Variants in PSD3 observed in about 807,000 individuals in gnomAD.
PSD3 encodes the protein PH and SEC7 domain-containing protein 3.
In PSD3, 49 loss-of-function variants were observed where a neutral mutation model predicts 105.5. That is an observed-to-expected ratio of 0.46 (90% confidence interval 0.37 to 0.59). The LOEUF (loss-of-function observed/expected upper bound fraction) is 0.59. Among genes scored for constraint, PSD3 ranks in the 20% least tolerant of loss-of-function variants. The pLI, the probability that PSD3 is intolerant of heterozygous loss-of-function variation, is 0.00. For synonymous variants in PSD3, 557 were observed against 457.8 expected (o/e 1.22, Z -2.77); for missense variants, 1,561 against 1,263.8 (o/e 1.24, Z -3.57).
chr8:18,676,053 C>T (rs1175578312), intron 9 of PSD3, among the ~76,000 whole-genome samples: 4 of 152,238 alleles, frequency 2.6e-5, no homozygotes, highest in East Asian at 1.9e-4. Context: ...CCCTGATCTT[C>T]GGCAGTGACT....
At chr8:18,949,078 C>A (rs187525060) in intron 1 of PSD3, among the ~76,000 whole-genome samples, 3 of 148,776 alleles carry the variant, frequency 2.0e-5, no homozygotes, top group Non-Finnish European at 4.5e-5. Flanking sequence ...AAAAATTAGC[C>A]GGGCGTGGTG....
intron 4 of PSD3, among the ~76,000 whole-genome samples, chr8:18,839,261 A>T (rs535276938): frequency 6.6e-6 from 1 of 152,296 alleles, no homozygotes; most frequent in South Asian, 2.1e-4. Context: ...TGGACAGAAG[A>T]GACATTTCAA....
intron 4 of PSD3, among the ~76,000 whole-genome samples, chr8:18,828,587 G>C (rs1240537429): frequency 1.3e-5 from 2 of 152,038 alleles, no homozygotes; most frequent in Non-Finnish European, 2.9e-5. Flanking sequence ...GACTGCTCGA[G>C]CCCGGGAGTT....
At chr8:18,823,673 T>G (rs764796060) in intron 4 of PSD3, among the ~76,000 whole-genome samples, 1 of 152,154 alleles carries the variant, frequency 6.6e-6, no homozygotes, top group Non-Finnish European at 1.5e-5. Context: ...CTTGCAGATG[T>G]AACTCTCATT....
intron 9 of PSD3, among the ~76,000 whole-genome samples, chr8:18,742,015 AG>A (rs1448674016): frequency 6.6e-6 from 1 of 152,206 alleles, no homozygotes; most frequent in Non-Finnish European, 1.5e-5. Context: ...AAACATTACC[AG>A]GAGTAATATG....
chr8:18,642,889 T>G (rs575582118), intron 10 of PSD3, among the ~76,000 whole-genome samples: 2 of 152,194 alleles, frequency 1.3e-5, no homozygotes, highest in Non-Finnish European at 2.9e-5. Context: ...GGGTGGCAAA[T>G]CTTTCCAGTT....
chr8:19,012,769 A>G (rs1827014289), intron 1 of PSD3, among the ~76,000 whole-genome samples: 1 of 152,064 alleles, frequency 6.6e-6, no homozygotes, highest in Non-Finnish European at 1.5e-5. Flanking sequence ...AATTTTCCAG[A>G]TCTCCGTCTT....
In PSD3 at chr8:18,730,559, T is replaced by C. The variant is rs549963432; in HGVS notation, c.2172+34890A>G. On this transcript the variant is annotated intron_variant, in intron 9 of 15. Coordinates refer to ENST00000327040, the MANE Select transcript of PSD3 (RefSeq NM_015310.4). The stretch of plus-strand genomic sequence containing the variant: ...ATAAAGAAAAGATACACTATATCCA[T>C]TGTTACATTCACTGGCCTTTCATCC... Among the ~76,000 whole-genome samples, 8 of 152,344 alleles carry C rather than the reference T, an allele frequency of 5.3e-5. 1 individual carries two copies. Among genetic ancestry groups the C allele is most frequent in the Admixed American group, 1.3e-4 (2 of 15,308 alleles).
chr8:18,878,143 A>AT (rs376613704), intron 2 of PSD3, among the ~76,000 whole-genome samples: 49 of 151,022 alleles, frequency 3.2e-4, no homozygotes, highest in Middle Eastern at 3.4e-3. Context: ...TCTTTTAGCC[A>AT]TTTTTTTTTA....
chr8:19,030,418 G>A (rs1005688198), intron 1 of PSD3, among the ~76,000 whole-genome samples: 1 of 152,122 alleles, frequency 6.6e-6, no homozygotes, highest in Non-Finnish European at 1.5e-5. Flanking sequence ...AGCATTGAAG[G>A]TGGGGCCTAG....
At chr8:18,932,961 C>A (rs28396596) in intron 2 of PSD3, among the ~76,000 whole-genome samples, 1,884 of 152,350 alleles carry the variant, frequency 0.012, 36 homozygotes, top group African/African-American at 0.043. Context: ...TGTGATCATT[C>A]TTCCTTGCTA....
intron 9 of PSD3, among the ~76,000 whole-genome samples, chr8:18,675,775 GA>G (rs1244005591): frequency 6.6e-6 from 1 of 152,134 alleles, no homozygotes; most frequent in Non-Finnish European, 1.5e-5. Flanking sequence ...ATTAATGTTA[GA>G]AGAGCAACTT....
intron 1 of PSD3, among the ~76,000 whole-genome samples, chr8:19,053,313 G>A (rs561413635): frequency 7.2e-5 from 11 of 152,106 alleles, no homozygotes; most frequent in Admixed American, 5.9e-4. Context: ...TCCGCACTGC[G>A]TCCCCTGCCC....
At chr8:19,065,110 C>A (rs1407956157) in intron 1 of PSD3, among the ~76,000 whole-genome samples, 1 of 151,976 alleles carries the variant, frequency 6.6e-6, no homozygotes, top group Non-Finnish European at 1.5e-5. Flanking sequence ...TCTGTTTTAA[C>A]CCTATAAGGA....
In PSD3 at chr8:18,535,169, T is replaced by G. The variant is rs1799785054; in HGVS notation, c.*574A>C. The G allele has an allele frequency of 6.5e-6, 1 of 153,752 alleles. No individual in the cohort carries two copies. The highest frequency in any genetic ancestry group is 2.1e-4 in the South Asian group (1 of 4,870). The allele number at this position is 153,752 out of a possible 1,614,324, so 9.5% of individuals were successfully genotyped here. ...CTTCTTTTCCCTGCTTCCAGCAGGGTCCGATCTCAACAACAAGTGCTAAGC... is the reference window on the plus strand; with the variant it reads ...CTTCTTTTCCCTGCTTCCAGCAGGGGCCGATCTCAACAACAAGTGCTAAGC... On this transcript the variant is annotated 3_prime_UTR_variant, in exon 16 of 16. Transcript: ENST00000327040.
intron 8 of PSD3, among the ~76,000 whole-genome samples, chr8:18,766,330 T>C (rs557613576): frequency 1.8e-4 from 27 of 152,220 alleles, no homozygotes; most frequent in Middle Eastern, 3.4e-3. Flanking sequence ...TGCAACTGTA[T>C]CTCAAAAAAC....
intron 1 of PSD3, among the ~76,000 whole-genome samples, chr8:19,080,184 T>C (rs376283570): frequency 6.6e-6 from 1 of 152,214 alleles, no homozygotes; most frequent in East Asian, 1.9e-4. Flanking sequence ...CCACCGCGCC[T>C]GGCCAAAATA....
chr8:18,785,698 A>T (rs1033583615), intron 8 of PSD3, among the ~76,000 whole-genome samples: 3 of 152,024 alleles, frequency 2.0e-5, no homozygotes, highest in Non-Finnish European at 2.9e-5. Context: ...GCCTCACTAA[A>T]CTTAATCATT....
At chr8:18,657,610 T>A (rs549181313) in intron 9 of PSD3, among the ~76,000 whole-genome samples, 1 of 152,204 alleles carries the variant, frequency 6.6e-6, no homozygotes, top group South Asian at 2.1e-4. Context: ...ATCCAATCTA[T>A]GATATAGTTA....
Sources: allele counts gnomAD v4.1 joint callset (sites outside exome capture counted in the v4.1 genomes callset), GRCh38; gene constraint gnomAD v4.1.1; transcripts MANE v1.5; gene names NCBI Gene and HGNC (gene_info 2026-07-23, HGNC 2026-07-21).